Variants in TOP3A observed in about 807,000 individuals in gnomAD.
The protein encoded by TOP3A is DNA topoisomerase 3-alpha.
A neutral mutation model predicts 111.3 loss-of-function variants in TOP3A; 64 were observed. The ratio of observed to expected loss-of-function variants is 0.57; its 90% CI spans 0.47 to 0.71. The LOEUF (loss-of-function observed/expected upper bound fraction) is 0.71, where lower values mean the gene tolerates loss of function less well. TOP3A is among the 30% of genes least tolerant of loss of function. The pLI is 0.00. For synonymous variants in TOP3A, 484 were observed against 485.1 expected, an observed-to-expected ratio of 1.00 and a Z score of 0.03; for missense variants, 1,104 against 1,285.0, an observed-to-expected ratio of 0.86 and a Z score of 2.15.
intron 8 of TOP3A, among the ~76,000 whole-genome samples, chr17:18,301,413 C>T (rs1180834683): frequency 6.6e-6 from 1 of 152,220 alleles, no homozygotes; most frequent in Non-Finnish European, 1.5e-5. Context: ...CTCACTGTCC[C>T]TCCGGCCTTT....
intron 5 of TOP3A, among the ~76,000 whole-genome samples, chr17:18,304,020 A>G (rs533348843): frequency 1.3e-5 from 2 of 152,156 alleles, no homozygotes; most frequent in East Asian, 3.9e-4. Flanking sequence ...GCTGGAGTGC[A>G]GTGGTGCAAT....
At chr17:18,290,524 A>C in intron 13 of TOP3A, 33 bp downstream of exon 13, 10 of 1,531,368 alleles carry the variant, frequency 6.5e-6, no homozygotes, top group Non-Finnish European at 8.8e-6. Context: ...GCCTTAGCTC[A>C]AGAGATGCGA....
At chr17:18,283,204 T>C (rs1979877953) in intron 15 of TOP3A, among the ~76,000 whole-genome samples, 1 of 152,122 alleles carries the variant, frequency 6.6e-6, no homozygotes, top group African/African-American at 2.4e-5. Flanking sequence ...ACCCCGTCTC[T>C]ACTAAAAATA....
At chr17:18,286,638 T>C (rs1453022093) in intron 13 of TOP3A, among the ~76,000 whole-genome samples, 1 of 152,308 alleles carries the variant, frequency 6.6e-6, no homozygotes, top group African/African-American at 2.4e-5. Context: ...GGAATCCTAG[T>C]GCCTTGCTGG....
At position 18,278,336 on chromosome 17, in the gene TOP3A, G is replaced by T. The variant is rs150782687; in HGVS notation, c.2166C>A (p.Arg722=). The change falls in exon 18 of 19, where the codon CGC becomes CGA. Residue 722 remains arginine, a synonymous_variant. Coordinates refer to ENST00000321105, the MANE Select transcript of TOP3A (RefSeq NM_004618.5). The part of the protein sequence containing the change: ...PVYRLKLKFK[R]GSLPPTMPLE... The stretch of plus-strand genomic sequence containing the variant: ...GAGGCATGGTCGGGGGAAGGCTACC[G>T]CGCTTAAACTTTAACTTTAACCTAG... 6.6e-7 allele frequency: 1 copy of T among 1,513,488 alleles called. No homozygotes were observed. The highest frequency in any genetic ancestry group is 2.3e-5 in the East Asian group (1 of 43,856). The allele number at this position is 1,513,488 out of a possible 1,614,324, so 93.8% of individuals were successfully genotyped here.
At chr17:18,297,480 C>A (rs926575623) in intron 9 of TOP3A, among the ~76,000 whole-genome samples, 4 of 152,136 alleles carry the variant, frequency 2.6e-5, no homozygotes, top group African/African-American at 9.6e-5. Flanking sequence ...CCTCTCTCCA[C>A]GGTCTCCCTC....
chr17:18,289,746 C>T (rs1368635456), intron 13 of TOP3A, among the ~76,000 whole-genome samples: 1 of 152,204 alleles, frequency 6.6e-6, no homozygotes, highest in Non-Finnish European at 1.5e-5. Flanking sequence ...CTAATTTTAC[C>T]TAAACCTGCA....
chr17:18,281,312 A>G (rs9905503), intron 16 of TOP3A, among the ~76,000 whole-genome samples: 3,935 of 152,296 alleles, frequency 0.026, 171 homozygotes, highest in African/African-American at 0.084. Flanking sequence ...GAAATTTACA[A>G]TCTCAGAAAT....
Position 18,290,903 on chromosome 17 carries a change from C to A in TOP3A, c.1406G>T (p.Gly469Val). 1.2e-6 allele frequency: 2 copies of A among 1,614,204 alleles called. No individual in the cohort carries two copies. The highest frequency in any genetic ancestry group is 1.7e-6 in the Non-Finnish European group (2 of 1,180,042). Reference sequence around the variant, plus strand: ...ATAGTTTCGGGCCAGAATCATGAGGCCATGGGCCACAAAGCGTTCCTGAGC... The same window carrying A: ...ATAGTTTCGGGCCAGAATCATGAGGACATGGGCCACAAAGCGTTCCTGAGC... Reference protein sequence around the residue: ...DIAQERFVAHGLMILARNYLD... With the variant: ...DIAQERFVAHVLMILARNYLD... The change falls in exon 12 of 19, where the codon GGC becomes GTC. Residue 469 changes from glycine to valine, a missense_variant. Coordinates refer to ENST00000321105, the MANE Select transcript of TOP3A (RefSeq NM_004618.5).
Position 18,274,990 on chromosome 17 carries a change from G to A in TOP3A, c.2828-10C>T. On this transcript the variant is annotated splice_polypyrimidine_tract_variant and intron_variant, in intron 18 of 18. Transcript: ENST00000321105. The stretch of plus-strand genomic sequence containing the variant: ...GGGGCTCCAGAAGTCCCTGTCGGGA[G>A]AGTCAGGGGAGGGGTGAGGTTAGAA... The A allele has an allele frequency of 6.2e-7, 1 of 1,612,376 alleles. No individual in the cohort carries two copies.
chr17:18,278,459 CT>C, intron 17 of TOP3A, 102 bp from the exon 18 acceptor site: 1 of 1,119,080 alleles, frequency 8.9e-7, no homozygotes, highest in Non-Finnish European at 1.2e-6. Context: ...TCCACCATTC[CT>C]TATGCATCAG....
rs1445093891 is a variant in TOP3A at position 18,287,687 on chromosome 17, A to C, written c.1598-2167T>G. Among the ~76,000 whole-genome samples, 3 of 151,770 alleles carry C rather than the reference A, an allele frequency of 2.0e-5. No homozygotes were observed. In the East Asian group the frequency reaches 5.9e-4, roughly 30 times the overall value. On this transcript the variant is annotated intron_variant, in intron 13 of 18. Coordinates refer to ENST00000321105, the MANE Select transcript of TOP3A (RefSeq NM_004618.5). The stretch of plus-strand genomic sequence containing the variant: ...AGCCTGGGTGACAGAGTAAGATGCT[A>C]TCTCTCCAAAACAAATTTTTTTAGG...
chr17:18,304,985 A>C, intron 5 of TOP3A, 127 bp downstream of exon 5: 1 of 755,056 alleles, frequency 1.3e-6, no homozygotes, highest in South Asian at 1.5e-5. Flanking sequence ...GGCTGGTGGG[A>C]CTCACAGACT....
chr17:18,288,775 C>T (rs1010662692), intron 13 of TOP3A, among the ~76,000 whole-genome samples: 2 of 152,200 alleles, frequency 1.3e-5, no homozygotes, highest in Non-Finnish European at 1.5e-5. Context: ...CCACCCATCA[C>T]ATTTTCTTCC....
Position 18,290,579 on chromosome 17 carries a change from G to A in TOP3A, c.1575C>T (p.Ala525=). ...GACCAATGCCATGCTTCTCCATGAGGGCAATGAGGTCGGCCTCGGTGAGCA... is the reference window on the plus strand; with the variant it reads ...GACCAATGCCATGCTTCTCCATGAGAGCAATGAGGTCGGCCTCGGTGAGCA... ...PKLLTEADLI[A]LMEKHGIGTD... Residue 525 remains alanine (A), a synonymous_variant, in exon 13 of 19, where the codon GCC becomes GCT. Transcript: ENST00000321105. The A allele has an allele frequency of 6.2e-7, 1 of 1,603,218 alleles. No individual in the cohort carries two copies. The highest frequency in any genetic ancestry group is 8.5e-7 in the Non-Finnish European group (1 of 1,173,798).
Position 18,302,555 on chromosome 17 carries a change from G to C in TOP3A, c.643+25C>G, listed in dbSNP as rs1481856016. The C allele has an allele frequency of 4.3e-6, 7 of 1,610,880 alleles. No homozygotes were observed. The African/African-American group carries it at 9.4e-5, about 22-fold the overall frequency. ...CATAACACAACATTAATGTGGCCAT[G>C]GGAGAGGTCTGCCTAGCTCCTCACC... On this transcript the variant is annotated intron_variant, in intron 6 of 18. Coordinates refer to ENST00000321105, the MANE Select transcript of TOP3A (RefSeq NM_004618.5).
At chr17:18,305,056 C>A in intron 5 of TOP3A, 56 bp downstream of exon 5, 1 of 1,440,692 alleles carries the variant, frequency 6.9e-7, no homozygotes, top group Non-Finnish European at 9.8e-7. Context: ...TAAACAAGAA[C>A]ACTCTATTTA....
At chr17:18,308,969 T>C (rs1364658554) in intron 1 of TOP3A, 28 bp from the exon 2 acceptor site, 3 of 1,234,008 alleles carry the variant, frequency 2.4e-6, no homozygotes, top group Non-Finnish European at 3.4e-6. Flanking sequence ...GTAAAAAATA[T>C]AAATTACGTT....
At chr17:18,285,982 C>G (rs1980067671) in intron 13 of TOP3A, among the ~76,000 whole-genome samples, 1 of 151,960 alleles carries the variant, frequency 6.6e-6, no homozygotes, top group African/African-American at 2.4e-5. Flanking sequence ...GGCAGATCAT[C>G]TGAGGTCAGG....
Sources: allele counts gnomAD v4.1 joint callset (sites outside exome capture counted in the v4.1 genomes callset), GRCh38; gene constraint gnomAD v4.1.1; transcripts MANE v1.5; gene names NCBI Gene and HGNC (gene_info 2026-07-23, HGNC 2026-07-21).